The following SLC4A1 variants were observed in gnomAD, a reference collection of about 807,000 sequenced individuals.
SLC4A1 encodes the protein band 3 anion transport protein.
SLC4A1 carries 29 observed loss-of-function variants against 93.1 expected under a neutral mutation model. That is an observed-to-expected ratio of 0.31 (90% CI 0.23 to 0.42). SLC4A1 has a LOEUF of 0.42. Among genes scored for constraint, SLC4A1 ranks in the 20% least tolerant of loss-of-function variants. The pLI is 1.00. For synonymous variants in SLC4A1, 469 were observed against 497.2 expected (o/e 0.94, Z 0.76); for missense variants, 965 against 1,190.1 (o/e 0.81, Z 2.78).
chr17:44,259,764 C>A, intron 7 of SLC4A1, 45 bp downstream of exon 7: 13 of 1,613,528 alleles, frequency 8.1e-6, no homozygotes, highest in Non-Finnish European at 1.1e-5. Flanking sequence ...AAAGCTCTCT[C>A]CTTGCCCCAC....
In SLC4A1 at chr17:44,254,584, A is replaced by C. The variant is rs1273756688; in HGVS notation, c.1969T>G (p.Ser657Ala). 3.7e-6 allele frequency: 6 copies of C among 1,614,026 alleles called. No individual in the cohort carries two copies. Among genetic ancestry groups the C allele is most frequent in the South Asian group, 1.1e-5 (1 of 91,078 alleles). The change falls in exon 16 of 20, where the codon TCC (serine) becomes GCC (alanine). Residue 657 changes from serine to alanine, a missense_variant. Around this residue, in one of 2 missense-constraint regions of SLC4A1, gnomAD observed 770 missense variants for 1,006.6 expected, o/e 0.76. Transcript: ENST00000262418. Reference protein sequence around the residue: ...GWVIHPLGLRSEFPIWMMFAS... With the variant: ...GWVIHPLGLRAEFPIWMMFAS... ...AACATCATCCAGATGGGAAACTCGGAACGCAAGCCCAGTGGGTGGATGACC... is the reference window on the plus strand; with the variant it reads ...AACATCATCCAGATGGGAAACTCGGCACGCAAGCCCAGTGGGTGGATGACC...
chr17:44,251,670 G>A, intron 17 of SLC4A1, 82 bp from the exon 18 acceptor site: 1 of 1,256,244 alleles, frequency 8.0e-7, no homozygotes, highest in East Asian at 2.4e-5. Flanking sequence ...CTGGGGCTGG[G>A]AATAAAACAC....
At chr17:44,260,884 T>G in intron 4 of SLC4A1, 69 bp from the exon 5 acceptor site, 2 of 1,554,972 alleles carry the variant, frequency 1.3e-6, no homozygotes. Flanking sequence ...TCAGCCACTC[T>G]CGAGAGAGGC....
chr17:44,260,743 A>G lies in SLC4A1; in HGVS notation c.241T>C (p.Trp81Arg), dbSNP rs1487738715. 1 of 1,613,970 alleles carries G rather than the reference A, an allele frequency of 6.2e-7. No homozygotes were observed. Among genetic ancestry groups the G allele is most frequent in the Non-Finnish European group, 8.5e-7 (1 of 1,180,018 alleles). Residue 81 changes from tryptophan to arginine, a missense_variant, in exon 5 of 20, where the codon TGG becomes CGG. Trp to Arg is a moderately radical substitution (Grantham distance 101). Coordinates refer to ENST00000262418, the MANE Select transcript of SLC4A1 (RefSeq NM_000342.4). ...CCCAGGTTCTCCTCCAGTTGCACCC[A>G]GCGCGCCGCCTCCATCCATCTCAGC... The part of the protein sequence containing the change: ...QELRWMEAAR[W>R]VQLEENLGEN...
In SLC4A1 at chr17:44,260,660, T is replaced by G; in HGVS notation, c.324A>C (p.Leu108=). The G allele has an allele frequency of 6.2e-7, 1 of 1,614,122 alleles. No homozygotes were observed. The part of the protein sequence containing the change: ...HLSHLTFWSL[L]ELRRVFTKGT... ...CCTTGGTGAAGACTCTACGCAGCTC[T>G]AGGAGGCTCCAGAAGGTGAGGTGAG... Residue 108 remains leucine, a synonymous_variant, in exon 5 of 20, where the codon CTA becomes CTC. Transcript: ENST00000262418.
rs1490176926 is a variant in SLC4A1 at position 44,258,144 on chromosome 17, G to A, written c.1124C>T (p.Thr375Ile). Residue 375 changes from threonine (T) to isoleucine (I), a missense_variant, in exon 11 of 20, where the codon ACA becomes ATA. Coordinates refer to ENST00000262418, the MANE Select transcript of SLC4A1 (RefSeq NM_000342.4). This position sits in a 1 kb window ranked among gnomAD's most constrained non-coding sequence, Gnocchi z 6.1. ...CACCAGGCCCCCGAAGAGCTGGCCT[G>A]TCTGCTGCAGAGGGTCATCTGGGCC... ...NGGPDDPLQQ[T>I]GQLFGGLVRD... 2 of 1,614,130 alleles carry A rather than the reference G, an allele frequency of 1.2e-6. No homozygotes were observed. The highest frequency in any genetic ancestry group is 1.7e-6 in the Non-Finnish European group (2 of 1,180,024).
chr17:44,250,312 C>A lies in SLC4A1; in HGVS notation c.*146G>T. 3 of 705,504 alleles carry A rather than the reference C, an allele frequency of 4.3e-6. No homozygotes were observed. Among genetic ancestry groups the A allele is most frequent in the East Asian group, 2.7e-5 (1 of 36,858 alleles). The allele number at this position is 705,504 out of a possible 1,614,324, so 43.7% of individuals were successfully genotyped here. Reference sequence around the variant, plus strand: ...CTTTGTGGAAGGTCTCCTGGACACGCCTTCCTTCCCCACCCACAGCCCTGG... The same window carrying A: ...CTTTGTGGAAGGTCTCCTGGACACGACTTCCTTCCCCACCCACAGCCCTGG... On this transcript the variant is annotated 3_prime_UTR_variant, in exon 20 of 20. Coordinates refer to ENST00000262418, the MANE Select transcript of SLC4A1 (RefSeq NM_000342.4).
Position 44,258,509 on chromosome 17 carries a change from C to T in SLC4A1, c.991G>A (p.Ala331Thr), listed in dbSNP as rs752913557. 16 of 1,613,892 alleles carry T rather than the reference C, an allele frequency of 9.9e-6. No homozygotes were observed. Among genetic ancestry groups the T allele is most frequent in the African/African-American group, 1.3e-5 (1 of 74,874 alleles). ...TGCACAGGCACCAGACTGAGCAGTGCCTGCTCGGAGGGGGCATCGGTGGGA... is the reference window on the plus strand; with the variant it reads ...TGCACAGGCACCAGACTGAGCAGTGTCTGCTCGGAGGGGGCATCGGTGGGA... ...LPPTDAPSEQALLSLVPVQRE... is the reference protein window; with the variant it reads ...LPPTDAPSEQTLLSLVPVQRE... The change falls in exon 10 of 20, where the codon GCA (alanine) becomes ACA (threonine). Residue 331 changes from alanine to threonine, a missense_variant. Physicochemically the swap from Ala to Thr is moderately conservative, Grantham distance 58 (BLOSUM62 0). This residue lies in a region of SLC4A1 where 770 missense variants were observed against 1,006.6 expected (regional missense o/e 0.76). Transcript: ENST00000262418. The surrounding 1 kb of genome is among the most constrained non-coding windows in gnomAD (Gnocchi z 6.1).
intron 17 of SLC4A1, 40 bp downstream of exon 17, chr17:44,253,078 G>A: frequency 1.2e-6 from 2 of 1,601,564 alleles, no homozygotes; most frequent in East Asian, 2.2e-5. Context: ...GGGGGTGAGG[G>A]GCAGGAGGAT....
rs372253617 is a variant in SLC4A1, at chr17:44,253,387, G to A, written c.2058-16C>T. On this transcript the variant is annotated splice_polypyrimidine_tract_variant and intron_variant, in intron 16 of 19. Transcript: ENST00000262418. ...GACAATCAGCCTACGGTAGGGGAAG[G>A]TGAGGGGTAAGCAGGGTTCTCCCCT... The A allele has an allele frequency of 6.2e-7, 1 of 1,605,502 alleles. No homozygotes were observed. Among genetic ancestry groups the A allele is most frequent in the African/African-American group, 1.3e-5 (1 of 74,812 alleles).
In SLC4A1 at chr17:44,257,355, T is replaced by A. The variant is rs1267849574; in HGVS notation, c.1621A>T (p.Ile541Phe). Reference protein sequence around the residue: ...IFIYETFSKLIKIFQDHPLQK... With the variant: ...IFIYETFSKLFKIFQDHPLQK... Reference sequence around the variant, plus strand: ...ACATCCCCATAGGCCCCCACCTTGATCAGCTTGGAGAAAGTCTCATAGATG... The same window carrying A: ...ACATCCCCATAGGCCCCCACCTTGAACAGCTTGGAGAAAGTCTCATAGATG... Residue 541 changes from isoleucine to phenylalanine, a missense_variant, in exon 13 of 20, where the codon ATC becomes TTC. Transcript: ENST00000262418. The A allele has an allele frequency of 1.2e-6, 2 of 1,613,784 alleles. No homozygotes were observed. The highest frequency in any genetic ancestry group is 3.3e-5 in the Admixed American group (2 of 59,994).
intron 7 of SLC4A1, 47 bp from the exon 8 acceptor site, chr17:44,259,628 T>C (rs746074249): frequency 1.3e-6 from 2 of 1,541,708 alleles, no homozygotes; most frequent in South Asian, 2.2e-5. Context: ...CAGTCTGACC[T>C]GGGAGACCTG....
intron 1 of SLC4A1, among the ~76,000 whole-genome samples, chr17:44,263,947 A>C (rs2047474073): frequency 2.0e-5 from 3 of 152,002 alleles, no homozygotes; most frequent in Admixed American, 2.0e-4. Flanking sequence ...AAAAAAAAAA[A>C]AATCTGTGTG....
rs77765444 is a variant in SLC4A1 at position 44,264,923 on chromosome 17, G to A, written c.-68-1989C>T. On this transcript the variant is annotated intron_variant, in intron 1 of 19. Coordinates refer to ENST00000262418, the MANE Select transcript of SLC4A1 (RefSeq NM_000342.4). ...CATTGAGGTGACAGGCAATTGGGTC[G>A]GTTCAACAAAGGTTCCCACTCTGTG... Among the ~76,000 whole-genome samples the A allele has an allele frequency of 6.6e-3, 1,005 of 151,578 alleles. 13 individuals are homozygous for A. The highest frequency in any genetic ancestry group is 0.022 in the African/African-American group (925 of 41,162).
Position 44,250,117 on chromosome 17 carries a change from C to T in SLC4A1, c.*341G>A. On this transcript the variant is annotated 3_prime_UTR_variant, in exon 20 of 20. Coordinates refer to ENST00000262418, the MANE Select transcript of SLC4A1 (RefSeq NM_000342.4). ...ACAGCAAGCACCCCACCCGCTCACC[C>T]ACCTCCTGCCTTTGCTTCTACCCCT... 6 of 350,026 alleles carry T rather than the reference C, an allele frequency of 1.7e-5. 1 individual carries two copies. The South Asian group carries it at 1.8e-4, about 10-fold the overall frequency. The allele number at this position is 350,026 out of a possible 1,614,324, so 21.7% of individuals were successfully genotyped here.
intron 2 of SLC4A1, 21 bp from the exon 3 acceptor site, chr17:44,262,747 G>A: frequency 2.5e-6 from 4 of 1,612,092 alleles, no homozygotes; most frequent in Non-Finnish European, 3.4e-6. Context: ...TGGCCGCTGA[G>A]GCTGGGCTGT....
chr17:44,263,469 C>T (rs556088298), intron 1 of SLC4A1, among the ~76,000 whole-genome samples: 9 of 152,278 alleles, frequency 5.9e-5, no homozygotes, highest in African/African-American at 1.4e-4. Context: ...CCGTCTCTCT[C>T]GCTCTCTCCC....
Position 44,257,793 on chromosome 17 carries a change from T to G in SLC4A1, c.1297A>C (p.Asn433His). 1 of 1,613,768 alleles carries G rather than the reference T, an allele frequency of 6.2e-7. No homozygotes were observed. Among genetic ancestry groups the G allele is most frequent in the Non-Finnish European group, 8.5e-7 (1 of 1,180,020 alleles). ...FGGLLGEKTR[N>H]QMGVSELLIS... ...AGCAGCTCCGACACTCCCATCTGGT[T>G]CCGGGTCTTTTCTCCTGTGGGTAGA... The change falls in exon 12 of 20, where the codon AAC (asparagine) becomes CAC (histidine). Residue 433 changes from asparagine to histidine, a missense_variant. Physicochemically the swap from Asn to His is moderately conservative, Grantham distance 68. Transcript: ENST00000262418.
At chr17:44,257,025 T>C (rs2144611198) in intron 13 of SLC4A1, among the ~76,000 whole-genome samples, 1 of 150,730 alleles carries the variant, frequency 6.6e-6, no homozygotes, top group East Asian at 2.0e-4. Context: ...GGATTCTTGC[T>C]CTGTTGCCCA....
Sources: allele counts gnomAD v4.1 joint callset (sites outside exome capture counted in the v4.1 genomes callset), GRCh38; gene constraint gnomAD v4.1.1; regional missense constraint gnomAD v4.1.1; non-coding constraint Gnocchi (gnomAD v3.1); transcripts MANE v1.5; gene names NCBI Gene and HGNC (gene_info 2026-07-23, HGNC 2026-07-21).